Variants in KATNIP observed in about 807,000 individuals in gnomAD.
KATNIP encodes katanin interacting protein, also known as katanin-interacting protein.
In KATNIP, 126 loss-of-function variants were observed where a neutral mutation model predicts 174.0. The ratio of observed to expected loss-of-function variants is 0.72; its 90% CI spans 0.63 to 0.84. The LOEUF (loss-of-function observed/expected upper bound fraction) is 0.84. KATNIP is among the 40% of genes least tolerant of loss of function. The pLI is 0.00. For missense variants in KATNIP, 1,958 were observed against 2,109.7 expected (o/e 0.93, Z 1.41); for synonymous variants, 810 against 835.7 (o/e 0.97, Z 0.53).
chr16:27,778,549 G>A, intron 27 of KATNIP, 25 bp from the exon 28 acceptor site: 1 of 1,612,002 alleles, frequency 6.2e-7, no homozygotes. Context: ...AGTAACTCTG[G>A]TCCCTCTGTT....
chr16:27,556,457 A>G (rs1041540752), intron 1 of KATNIP, among the ~76,000 whole-genome samples: 2 of 152,260 alleles, frequency 1.3e-5, no homozygotes, highest in African/African-American at 4.8e-5. Context: ...ATAATTAGAC[A>G]AAAGTTCAGC....
chr16:27,639,996 G>A (rs559496668), intron 5 of KATNIP, among the ~76,000 whole-genome samples: 1 of 152,312 alleles, frequency 6.6e-6, no homozygotes, highest in Admixed American at 6.5e-5. Context: ...ACAACCATAT[G>A]GGGCAGCCCC....
Position 27,740,884 on chromosome 16 carries a change from A to G in KATNIP, c.2587A>G (p.Ser863Gly), listed in dbSNP as rs2081080487. 7 of 1,605,488 alleles carry G rather than the reference A, an allele frequency of 4.4e-6. No homozygotes were observed. The highest frequency in any genetic ancestry group is 1.7e-4 in the Middle Eastern group (1 of 5,954). The change falls in exon 15 of 28, where the codon AGC (serine) becomes GGC (glycine). Residue 863 changes from serine (S) to glycine (G), a missense_variant. Physicochemically the swap from Ser to Gly is moderately conservative, Grantham distance 56 (BLOSUM62 0). This residue lies in a region of KATNIP where 1,557 missense variants were observed against 1,617.8 expected (regional missense o/e 0.96). Coordinates refer to ENST00000261588, the MANE Select transcript of KATNIP (RefSeq NM_015202.5). ...GRRGSRKDAG[S>G]SSHGDDQPAS... ...GAGGGGCTCAAGGAAGGATGCTGGC[A>G]GCAGTAGTCATGGGGACGACCAGCC... is the stretch of plus-strand genomic sequence containing the variant.
rs2076385101 is a variant in KATNIP at position 27,628,111 on chromosome 16, CA to C, written c.141-549del. Among the ~76,000 whole-genome samples, 6 of 152,292 alleles carry C rather than the reference CA, an allele frequency of 3.9e-5. No homozygotes were observed. In the South Asian group the frequency reaches 1.2e-3, roughly 32 times the overall value. ...TATGACATGATGGCCTTTGAAATAT[CA>C]GGGGTGAGTGTTTTGAGAACACATC... On this transcript the variant is annotated intron_variant, in intron 3 of 27. Transcript: ENST00000261588.
chr16:27,653,819 C>G (rs1201279469), intron 6 of KATNIP, among the ~76,000 whole-genome samples: 1 of 151,954 alleles, frequency 6.6e-6, no homozygotes, highest in African/African-American at 2.4e-5. Flanking sequence ...CCACCACATC[C>G]AGCTAATTGT....
In KATNIP at chr16:27,740,801, G is replaced by T; in HGVS notation, c.2504G>T (p.Ser835Ile). 1 of 1,614,168 alleles carries T rather than the reference G, an allele frequency of 6.2e-7. No homozygotes were observed. The highest frequency in any genetic ancestry group is 1.1e-5 in the South Asian group (1 of 91,078). Reference protein sequence around the residue: ...RPQRATTKVHSDDSDIFNQPP... With the variant: ...RPQRATTKVHIDDSDIFNQPP... ...CAGAGGGCAACCACCAAAGTCCACA[G>T]TGATGACTCAGACATCTTTAACCAG... Residue 835 changes from serine (S) to isoleucine (I), a missense_variant, in exon 15 of 28, where the codon AGT becomes ATT. Physicochemically the swap from Ser to Ile is moderately radical, Grantham distance 142 (BLOSUM62 -2). Coordinates refer to ENST00000261588, the MANE Select transcript of KATNIP (RefSeq NM_015202.5).
chr16:27,751,202 T>G (rs1245164449), intron 16 of KATNIP, among the ~76,000 whole-genome samples: 1 of 152,082 alleles, frequency 6.6e-6, no homozygotes, highest in Non-Finnish European at 1.5e-5. Context: ...CCTGGCATAG[T>G]GAAGCAAGGA....
intron 6 of KATNIP, among the ~76,000 whole-genome samples, chr16:27,657,019 A>T (rs1443941152): frequency 1.3e-5 from 2 of 152,260 alleles, no homozygotes; most frequent in Non-Finnish European, 2.9e-5. Context: ...TTGCTACATA[A>T]AAGGAGAATT....
chr16:27,641,996 C>T (rs555594668), intron 5 of KATNIP, among the ~76,000 whole-genome samples: 14 of 152,348 alleles, frequency 9.2e-5, no homozygotes, highest in East Asian at 1.9e-4. Context: ...ATCTCTTCCC[C>T]GGCTAGAAGG....
At chr16:27,714,505 G>A (rs1220545746) in intron 13 of KATNIP, among the ~76,000 whole-genome samples, 1 of 152,042 alleles carries the variant, frequency 6.6e-6, no homozygotes, top group African/African-American at 2.4e-5. Flanking sequence ...AAGAACAATA[G>A]AGAAAGTCAA....
At chr16:27,770,740 G>C (rs2082270049) in intron 21 of KATNIP, among the ~76,000 whole-genome samples, 1 of 152,218 alleles carries the variant, frequency 6.6e-6, no homozygotes, top group Admixed American at 6.5e-5. Context: ...ACTTTGATGT[G>C]TCCTTTGGGA....
chr16:27,749,226 A>G lies in KATNIP; in HGVS notation c.2624-358A>G, dbSNP rs1361425712. Among the ~76,000 whole-genome samples the G allele has an allele frequency of 2.0e-5, 3 of 152,258 alleles. No homozygotes were observed. The South Asian group carries it at 6.2e-4, about 32-fold the overall frequency. ...ATTCTTAGAAAATTCAGTCTATGAA[A>G]AAATGCTTTGTGTTTTTGCAAAAAC... On this transcript the variant is annotated intron_variant, in intron 15 of 27. Coordinates refer to ENST00000261588, the MANE Select transcript of KATNIP (RefSeq NM_015202.5).
intron 14 of KATNIP, among the ~76,000 whole-genome samples, chr16:27,728,822 C>T (rs1416235302): frequency 1.3e-5 from 2 of 152,202 alleles, no homozygotes; most frequent in African/African-American, 4.8e-5. Flanking sequence ...GACTCAGAGC[C>T]AGCATGGAAG....
At chr16:27,754,473 T>G in intron 18 of KATNIP, 1 of 558,756 alleles carries the variant, frequency 1.8e-6, no homozygotes, top group Non-Finnish European at 3.2e-6. Flanking sequence ...CTCTTAGCAT[T>G]TTGCCTTCCC....
At chr16:27,699,456 G>C (rs1481484069) in intron 9 of KATNIP, 78 bp from the exon 10 acceptor site, 11 of 1,585,614 alleles carry the variant, frequency 6.9e-6, no homozygotes, top group Non-Finnish European at 8.6e-6. Context: ...GCCCTTTTCT[G>C]TGCCCTCATC....
rs746389556 is a variant in KATNIP at position 27,740,691 on chromosome 16, T to C, written c.2394T>C (p.Pro798=). 6.2e-7 allele frequency: 1 copy of C among 1,614,108 alleles called. No homozygotes were observed. The highest frequency in any genetic ancestry group is 1.7e-5 in the Admixed American group (1 of 60,020). The part of the protein sequence containing the change: ...LPSDDVIGEG[P]GETEARDKGL... ...CAGACGATGTCATCGGTGAGGGTCC[T>C]GGAGAGACCGAGGCCAGGGATAAAG... The change falls in exon 15 of 28, where the codon CCT becomes CCC. Residue 798 remains proline (P), a synonymous_variant. Coordinates refer to ENST00000261588, the MANE Select transcript of KATNIP (RefSeq NM_015202.5).
chr16:27,747,362 C>T (rs1377113676), intron 15 of KATNIP, among the ~76,000 whole-genome samples: 1 of 151,896 alleles, frequency 6.6e-6, no homozygotes, highest in Non-Finnish European at 1.5e-5. Flanking sequence ...AGGAGTCTTA[C>T]GGATGCAAAG....
intron 1 of KATNIP, among the ~76,000 whole-genome samples, chr16:27,558,718 T>C (rs1471813593): frequency 3.3e-5 from 5 of 152,250 alleles, no homozygotes; most frequent in African/African-American, 7.2e-5. Context: ...AAGAGACTTA[T>C]GTGGCCCACG....
intron 1 of KATNIP, among the ~76,000 whole-genome samples, chr16:27,555,647 C>T (rs1163569893): frequency 6.6e-6 from 1 of 151,134 alleles, no homozygotes; most frequent in African/African-American, 2.4e-5. Context: ...CCAGCCTGAC[C>T]AACATGGAGA....
Sources: gnomAD v4.1 joint callset for allele counts (sites outside exome capture counted in the v4.1 genomes callset) on GRCh38, gnomAD v4.1.1 for gene constraint, gnomAD v4.1.1 regional missense constraint, MANE v1.5 for transcripts, NCBI Gene and HGNC (gene_info 2026-07-23, HGNC 2026-07-21) for gene names.